CDH11: variants seen among roughly 807,000 people sequenced by gnomAD.
The protein encoded by CDH11 is cadherin 11.
In CDH11, 11 loss-of-function variants were observed where a neutral mutation model predicts 67.8. That is an observed-to-expected ratio of 0.16 (90% CI 0.10 to 0.27). The LOEUF is 0.27. CDH11 is among the 10% of genes least tolerant of loss of function. The probability of loss-of-function intolerance (pLI) is 1.00; values close to 1 mark genes in which losing one functional copy is unlikely to be tolerated. For synonymous variants in CDH11, 419 were observed against 400.0 expected (o/e 1.05, Z -0.57); for missense variants, 847 against 1,031.2 (o/e 0.82, Z 2.45).
At chr16:65,088,563 A>G (rs1169408440) in intron 1 of CDH11, among the ~76,000 whole-genome samples, 2 of 152,214 alleles carry the variant, frequency 1.3e-5, no homozygotes, top group African/African-American at 4.8e-5. Flanking sequence ...TAAACTTTTC[A>G]GTTGTATGAA....
At chr16:65,058,305 C>A (rs1291327152) in intron 1 of CDH11, among the ~76,000 whole-genome samples, 1 of 152,180 alleles carries the variant, frequency 6.6e-6, no homozygotes, top group Non-Finnish European at 1.5e-5. Flanking sequence ...TTAGTTAAAG[C>A]AAACTATAAT....
chr16:64,946,664 A>G lies in CDH11; in HGVS notation c.*939T>C, dbSNP rs2071203474. The G allele has an allele frequency of 1.0e-6, 1 of 970,148 alleles. No individual in the cohort carries two copies. The highest frequency in any genetic ancestry group is 1.2e-6 in the Non-Finnish European group (1 of 802,936). 60.1% of individuals were successfully genotyped at this position (970,148 alleles called of 1,614,324 possible). ...TTTAAATAAACAATAAAAGCAGCAG[A>G]CAGACAACAACAGATCATAAATAGG... On this transcript the variant is annotated 3_prime_UTR_variant, in exon 13 of 13. Coordinates refer to ENST00000268603, the MANE Select transcript of CDH11 (RefSeq NM_001797.4).
At chr16:64,952,830 G>A (rs1472143306) in intron 11 of CDH11, among the ~76,000 whole-genome samples, 2 of 151,918 alleles carry the variant, frequency 1.3e-5, no homozygotes, top group African/African-American at 4.8e-5. Flanking sequence ...AGCTCCTGTA[G>A]TAGGGAAAAA....
At chr16:65,052,062 T>C (rs1453986047) in intron 2 of CDH11, among the ~76,000 whole-genome samples, 4 of 152,194 alleles carry the variant, frequency 2.6e-5, no homozygotes, top group African/African-American at 9.6e-5. Context: ...ACCTGACATA[T>C]AGTAAGCATG....
At position 64,945,989 on chromosome 16, in the gene CDH11, G is replaced by A. The variant is rs1017437843; in HGVS notation, c.*1614C>T. The A allele has an allele frequency of 3.8e-6, 4 of 1,059,106 alleles. No homozygotes were observed. The highest frequency in any genetic ancestry group is 4.6e-6 in the Non-Finnish European group (4 of 875,496). 65.6% of individuals were successfully genotyped at this position (1,059,106 alleles called of 1,614,324 possible). ...TTTTGACCTTTGGCCCAACTGAACA[G>A]GTGAAATGCCCTTCACATAAGTTTC... On this transcript the variant is annotated 3_prime_UTR_variant, in exon 13 of 13. Coordinates refer to ENST00000268603, the MANE Select transcript of CDH11 (RefSeq NM_001797.4).
rs375248600 is a variant in CDH11, at chr16:65,105,578, A to G, written c.-298+16302T>C. On this transcript the variant is annotated intron_variant, in intron 1 of 12. Coordinates refer to ENST00000268603, the MANE Select transcript of CDH11 (RefSeq NM_001797.4). ...AGCACAATTTCTCACATTTGAGAGC[A>G]TGTGCATGAATAGCATTTTCAATGT... Among the ~76,000 whole-genome samples, 4 of 152,254 alleles carry G rather than the reference A, an allele frequency of 2.6e-5. No homozygotes were observed. The South Asian group carries it at 6.2e-4, about 24-fold the overall frequency.
At chr16:65,040,563 G>A (rs938690224) in intron 2 of CDH11, among the ~76,000 whole-genome samples, 2 of 152,028 alleles carry the variant, frequency 1.3e-5, no homozygotes, top group African/African-American at 4.8e-5. Context: ...TTGTGGGGTG[G>A]GGGGAGGAGG....
upstream of CDH11, among the ~76,000 whole-genome samples, chr16:65,122,833 T>C (rs903992955): frequency 1.3e-5 from 2 of 152,140 alleles, no homozygotes; most frequent in African/African-American, 4.8e-5. Flanking sequence ...GGGGTCGGCC[T>C]CGCTCCAGCT....
intron 7 of CDH11, chr16:64,987,335 C>T (rs2072512261): frequency 6.6e-6 from 1 of 152,114 alleles, no homozygotes; most frequent in Admixed American, 6.6e-5. Flanking sequence ...GGTGTGAATT[C>T]CAGGTCGGCA....
chr16:65,119,291 TAAAC>T (rs1269639930), intron 1 of CDH11: 1 of 151,976 alleles, frequency 6.6e-6, no homozygotes, highest in African/African-American at 2.4e-5. Context: ...CTCCCACAAA[TAAAC>T]AATCAAACAT....
intron 1 of CDH11, among the ~76,000 whole-genome samples, chr16:65,096,960 A>ATT (rs367983725): frequency 6.6e-6 from 1 of 151,342 alleles, no homozygotes; most frequent in Non-Finnish European, 1.5e-5. Flanking sequence ...TTTCAGTTTG[A>ATT]TTTTTTTTTG....
chr16:65,003,414 G>A (rs1273504635), intron 3 of CDH11, among the ~76,000 whole-genome samples: 1 of 151,906 alleles, frequency 6.6e-6, no homozygotes, highest in East Asian at 1.9e-4. Context: ...TCACCACCAC[G>A]CCTGGCTAAT....
intron 1 of CDH11, chr16:65,094,692 G>A (rs983096149): frequency 6.6e-6 from 1 of 152,130 alleles, no homozygotes; most frequent in African/African-American, 2.4e-5. Context: ...GAGACACGAT[G>A]ATACTGACTA....
chr16:65,096,406 G>GGGGTGTGTGT (rs1555528173), intron 1 of CDH11, among the ~76,000 whole-genome samples: 96 of 134,032 alleles, frequency 7.2e-4, no homozygotes, highest in African/African-American at 2.3e-3. Flanking sequence ...AATCTTTCGG[G>GGGGTGTGTGT]GTGTGTGTGT....
chr16:65,058,335 G>A (rs1302209850), intron 1 of CDH11, among the ~76,000 whole-genome samples: 3 of 152,214 alleles, frequency 2.0e-5, no homozygotes, highest in Non-Finnish European at 4.4e-5. Flanking sequence ...ACATGTTACT[G>A]TTGTATAAAC....
rs375145489 is a variant in CDH11, at chr16:65,093,572, G to A, written c.-298+28308C>T. On this transcript the variant is annotated intron_variant, in intron 1 of 12. Coordinates refer to ENST00000268603, the MANE Select transcript of CDH11 (RefSeq NM_001797.4). ...TCGACATGAATTTTGAAGGAGACAT[G>A]ATCCTTCAAACCATAGCAGTGTGTA... is the stretch of plus-strand genomic sequence containing the variant. Among the ~76,000 whole-genome samples, 279 of 152,146 alleles carry A rather than the reference G, an allele frequency of 1.8e-3. 1 individual carries two copies. In the South Asian group the frequency reaches 0.02, roughly 11 times the overall value.
At chr16:64,972,590 C>G (rs974058547) in intron 9 of CDH11, among the ~76,000 whole-genome samples, 4 of 152,080 alleles carry the variant, frequency 2.6e-5, no homozygotes, top group Non-Finnish European at 5.9e-5. Context: ...AAGGACTTTG[C>G]TTTTCTGGGT....
At chr16:65,102,683 G>A (rs1160200472) in intron 1 of CDH11, among the ~76,000 whole-genome samples, 2 of 152,142 alleles carry the variant, frequency 1.3e-5, no homozygotes, top group African/African-American at 4.8e-5. Context: ...CCCCATGAAG[G>A]GGCCATGTGT....
intron 1 of CDH11, among the ~76,000 whole-genome samples, chr16:65,070,108 C>G (rs2074391000): frequency 6.6e-6 from 1 of 152,088 alleles, no homozygotes; most frequent in East Asian, 1.9e-4. Flanking sequence ...GTGGCAAATC[C>G]CTTTGCACTC....
Sources: allele counts gnomAD v4.1 joint callset (sites outside exome capture counted in the v4.1 genomes callset), GRCh38; gene constraint gnomAD v4.1.1; transcripts MANE v1.5; gene names NCBI Gene and HGNC (gene_info 2026-07-23, HGNC 2026-07-21).